The following RALYL variants were observed in gnomAD, a reference collection of about 807,000 sequenced individuals.
RALYL encodes the protein RNA-binding Raly-like protein.
A neutral mutation model predicts 35.1 loss-of-function variants in RALYL; 29 were observed. That is an observed-to-expected ratio of 0.83 (90% CI 0.61 to 1.13). RALYL has a LOEUF of 1.13. RALYL is among the 50% of genes most tolerant of loss of function. The pLI, the probability that RALYL is intolerant of heterozygous loss-of-function variation, is 0.00. For synonymous variants in RALYL, 120 were observed against 127.6 expected (o/e 0.94, Z 0.40); for missense variants, 359 against 360.4 (o/e 1.00, Z 0.03).
chr8:84,751,406 C>T (rs1249008647), intron 2 of RALYL, among the ~76,000 whole-genome samples: 1 of 151,990 alleles, frequency 6.6e-6, no homozygotes. Context: ...CGGGGTTTCA[C>T]CATGTTGGCC....
intron 2 of RALYL, among the ~76,000 whole-genome samples, chr8:84,732,119 C>G (rs935433474): frequency 4.6e-5 from 7 of 152,090 alleles, no homozygotes; most frequent in Admixed American, 4.6e-4. Flanking sequence ...CCTGTGGAAT[C>G]CTTATCCCTT....
At chr8:84,517,449 T>A (rs1005406303) in intron 1 of RALYL, among the ~76,000 whole-genome samples, 3 of 152,172 alleles carry the variant, frequency 2.0e-5, no homozygotes, top group Admixed American at 6.5e-5. Context: ...TAAAACACTC[T>A]CCAGCAATGT....
chr8:84,237,532 T>A (rs1826854907), intron 1 of RALYL, among the ~76,000 whole-genome samples: 1 of 152,084 alleles, frequency 6.6e-6, no homozygotes, highest in Non-Finnish European at 1.5e-5. Context: ...ATAATTTTTT[T>A]AAATACATTT....
chr8:84,914,691 C>A (rs1309780542), intron 8 of RALYL, among the ~76,000 whole-genome samples: 1 of 151,724 alleles, frequency 6.6e-6, no homozygotes, highest in African/African-American at 2.4e-5. Flanking sequence ...CATAAAAGGT[C>A]TTTTTCAGAG....
In RALYL at chr8:84,385,733, C is replaced by G. The variant is rs1035190545; in HGVS notation, c.-23-143566C>G. ...CCACTGTATGGCTTTCCTAGCTGCA[C>G]CTGACAGGGCTAGCTAGCCTTTGAT... On this transcript the variant is annotated intron_variant, in intron 1 of 8. Coordinates refer to ENST00000521268, the MANE Select transcript of RALYL (RefSeq NM_173848.7). 3.3e-5 allele frequency among the ~76,000 whole-genome samples: 5 copies of G among 149,530 alleles called. No homozygotes were observed. The Admixed American group carries it at 3.4e-4, about 10-fold the overall frequency.
intron 1 of RALYL, among the ~76,000 whole-genome samples, chr8:84,230,688 A>G (rs1825127331): frequency 6.6e-6 from 1 of 152,162 alleles, no homozygotes; most frequent in African/African-American, 2.4e-5. Context: ...TTTACTACTA[A>G]TGGCTCTCAT....
At chr8:84,879,286 C>A (rs1383485751) in intron 7 of RALYL, among the ~76,000 whole-genome samples, 1 of 151,882 alleles carries the variant, frequency 6.6e-6, no homozygotes, top group Non-Finnish European at 1.5e-5. Flanking sequence ...TGCATAAGTA[C>A]GTAAAGAGAA....
intron 1 of RALYL, among the ~76,000 whole-genome samples, chr8:84,481,563 TAGAATC>T (rs1384878925): frequency 6.6e-6 from 1 of 152,132 alleles, no homozygotes; most frequent in Non-Finnish European, 1.5e-5. Flanking sequence ...AATTTCAACT[TAGAATC>T]TGAATATCTA....
At chr8:84,527,064 T>C (rs2058956132) in intron 1 of RALYL, among the ~76,000 whole-genome samples, 1 of 152,196 alleles carries the variant, frequency 6.6e-6, no homozygotes, top group Non-Finnish European at 1.5e-5. Flanking sequence ...GGCCTAACTT[T>C]TAGAGAATGT....
At chr8:84,412,531 T>A (rs1261638884) in intron 1 of RALYL, among the ~76,000 whole-genome samples, 3 of 151,864 alleles carry the variant, frequency 2.0e-5, no homozygotes, top group Non-Finnish European at 4.4e-5. Context: ...GAATTGTGAA[T>A]CCCAAAGGCA....
chr8:84,617,573 A>G (rs1226054320), intron 2 of RALYL, among the ~76,000 whole-genome samples: 4 of 149,450 alleles, frequency 2.7e-5, no homozygotes, highest in South Asian at 2.1e-4. Context: ...TCCTAATTGA[A>G]TACCCTTTAT....
At chr8:84,627,707 C>T (rs939124681) in intron 2 of RALYL, among the ~76,000 whole-genome samples, 1 of 151,734 alleles carries the variant, frequency 6.6e-6, no homozygotes, top group Non-Finnish European at 1.5e-5. Flanking sequence ...GAGCTGAGGT[C>T]TTATAGATAA....
intron 2 of RALYL, among the ~76,000 whole-genome samples, chr8:84,644,545 A>G (rs573134913): frequency 6.6e-6 from 1 of 152,158 alleles, no homozygotes; most frequent in African/African-American, 2.4e-5. Flanking sequence ...CAGTGTAAGG[A>G]AGATCTGACT....
chr8:84,362,848 T>A (rs1349850507), intron 1 of RALYL, among the ~76,000 whole-genome samples: 3 of 152,140 alleles, frequency 2.0e-5, no homozygotes, highest in Non-Finnish European at 2.9e-5. Flanking sequence ...TTTAAAAAAA[T>A]TATAATTTGA....
intron 1 of RALYL, among the ~76,000 whole-genome samples, chr8:84,373,900 AT>A (rs1856420054): frequency 6.6e-6 from 1 of 151,478 alleles, no homozygotes; most frequent in African/African-American, 2.4e-5. Context: ...TGTGTTTTGT[AT>A]TTCTCCTTTT....
chr8:84,824,622 G>A (rs1372346950), intron 4 of RALYL, among the ~76,000 whole-genome samples: 1 of 152,016 alleles, frequency 6.6e-6, no homozygotes, highest in East Asian at 1.9e-4. Context: ...TACACTATAA[G>A]GCTACAATAA....
intron 2 of RALYL, among the ~76,000 whole-genome samples, chr8:84,539,908 G>GTA: frequency 7.2e-6 from 1 of 139,362 alleles, no homozygotes; most frequent in African/African-American, 2.6e-5. Flanking sequence ...GTGTGTGTGT[G>GTA]TACATGCACA....
At chr8:84,408,982 A>G (rs2043835861) in intron 1 of RALYL, among the ~76,000 whole-genome samples, 1 of 152,150 alleles carries the variant, frequency 6.6e-6, no homozygotes, top group South Asian at 2.1e-4. Flanking sequence ...GCTTAGCACA[A>G]TGCTATAATT....
chr8:84,361,749 A>C lies in RALYL; in HGVS notation c.-23-167550A>C, dbSNP rs183545831. Among the ~76,000 whole-genome samples the C allele has an allele frequency of 1.2e-3, 178 of 152,276 alleles. 1 individual carries two copies. Among genetic ancestry groups the C allele is most frequent in the African/African-American group, 4.0e-3 (168 of 41,558 alleles). On this transcript the variant is annotated intron_variant, in intron 1 of 8. Coordinates refer to ENST00000521268, the MANE Select transcript of RALYL (RefSeq NM_173848.7). Reference sequence around the variant, plus strand: ...ATCTGCAGAGCACCATCTTTGAGAAAAAGAAAAAGAATAAAAACCTATACT... The same window carrying C: ...ATCTGCAGAGCACCATCTTTGAGAACAAGAAAAAGAATAAAAACCTATACT...
Sources: gnomAD v4.1 joint callset for allele counts (sites outside exome capture counted in the v4.1 genomes callset) on GRCh38, gnomAD v4.1.1 for gene constraint, MANE v1.5 for transcripts, NCBI Gene and HGNC (gene_info 2026-07-23, HGNC 2026-07-21) for gene names.